The following CERS1 variants were observed in gnomAD, a reference collection of about 807,000 sequenced individuals.
The protein encoded by CERS1 is Embryonic growth/differentiation factor 1.
CERS1 carries 16 observed loss-of-function variants against 35.7 expected under a neutral mutation model. That is an observed-to-expected ratio of 0.45 (90% CI 0.30 to 0.68). CERS1 has a LOEUF of 0.68. CERS1 is among the 30% of genes least tolerant of loss of function. The pLI is 0.08. For missense variants in CERS1, 454 were observed against 453.9 expected, an observed-to-expected ratio of 1.00 and a Z score of 0.00; for synonymous variants, 243 against 201.6, an observed-to-expected ratio of 1.21 and a Z score of -1.74.
At chr19:18,875,234 T>TAAAA (rs869211539) in intron 6 of CERS1, among the ~76,000 whole-genome samples, 9 of 122,266 alleles carry the variant, frequency 7.4e-5, no homozygotes, top group African/African-American at 2.8e-4. Flanking sequence ...GGACCGTCTC[T>TAAAA]AAAAAAAAAA....
chr19:18,886,512 G>A (rs1443475928), intron 2 of CERS1, among the ~76,000 whole-genome samples: 1 of 152,074 alleles, frequency 6.6e-6, no homozygotes, highest in African/African-American at 2.4e-5. Context: ...CTAAGATGTT[G>A]CCACTGCACT....
rs1422316278 is a variant in CERS1 at position 18,880,306 on chromosome 19, T to A, written c.720A>T (p.Ala240=). 6.4e-7 allele frequency: 1 copy of A among 1,552,570 alleles called. No homozygotes were observed. The highest frequency in any genetic ancestry group is 2.4e-5 in the East Asian group (1 of 41,066). ...AGCCGAAGCTGAGGCAGCCCAAGTC[T>A]GCTGCCAAGGCATGCAGCCGATGGT... The part of the protein sequence containing the change: ...GSYHRLHALA[A]DLGCLSFGFS... Residue 240 remains alanine, a synonymous_variant, in exon 4 of 8, where the codon GCA becomes GCT. Transcript: ENST00000623882.
chr19:18,884,305 A>AGCATCTAGACGATC, intron 2 of CERS1, 38 bp from the exon 3 acceptor site: 4 of 1,577,378 alleles, frequency 2.5e-6, no homozygotes, highest in Non-Finnish European at 3.4e-6. Flanking sequence ...GGCCCTGCGA[A>AGCATCTAGACGATC]GCCTCTAGAC....
chr19:18,883,768 G>A (rs1432206104), intron 3 of CERS1, among the ~76,000 whole-genome samples: 1 of 152,122 alleles, frequency 6.6e-6, no homozygotes, highest in Non-Finnish European at 1.5e-5. Context: ...ACTCCTGGGT[G>A]TGTGACCTGG....
Position 18,870,208 on chromosome 19 carries a change from C to G in CERS1, c.*369G>C. 6.4e-7 allele frequency: 1 copy of G among 1,558,954 alleles called. No homozygotes were observed. The highest frequency in any genetic ancestry group is 8.6e-7 in the Non-Finnish European group (1 of 1,158,624). Reference sequence around the variant, plus strand: ...GCCTGGAGCAGGGCGGCGGCTGGGCCTGGGGGCACGGGGGCGCGGGTCAGG... The same window carrying G: ...GCCTGGAGCAGGGCGGCGGCTGGGCGTGGGGGCACGGGGGCGCGGGTCAGG... On this transcript the variant is annotated 3_prime_UTR_variant, in exon 7 of 8. Coordinates refer to ENST00000623882, the MANE Select transcript of CERS1 (RefSeq NM_021267.5). This position sits in a 1 kb window ranked among gnomAD's most constrained non-coding sequence, Gnocchi z 5.1.
chr19:18,893,604 A>G (rs1284450013), intron 1 of CERS1, 29 bp from the exon 2 acceptor site: 2 of 1,588,910 alleles, frequency 1.3e-6, no homozygotes, highest in East Asian at 4.6e-5. Context: ...GCGGGCAGCC[A>G]TTGGTGCTGG....
Position 18,895,827 on chromosome 19 carries a change from A to T in CERS1, c.246T>A (p.Phe82Leu). 3.1e-6 allele frequency: 4 copies of T among 1,279,256 alleles called. No homozygotes were observed. Among genetic ancestry groups the T allele is most frequent in the Non-Finnish European group, 4.0e-6 (4 of 1,011,306 alleles). 79.2% of individuals were successfully genotyped at this position (1,279,256 alleles called of 1,614,324 possible). A position where few individuals can be genotyped will look rare whatever the true frequency, so the allele number is the denominator to read the frequency against. The change falls in exon 1 of 8, where the codon TTT becomes TTA. Residue 82 changes from phenylalanine (F) to leucine (L), a missense_variant. By Grantham distance (22) the Phe-to-Leu change is conservative (BLOSUM62 0). Coordinates refer to ENST00000623882, the MANE Select transcript of CERS1 (RefSeq NM_021267.5). The surrounding 1 kb of genome is among the most constrained non-coding windows in gnomAD (Gnocchi z 6.4). ...ALRSAATARL[F>L]RPLAKRCCLQ... ...CCCGGCCCCCGGCCACACTGACCCG[A>T]AAGAGGCGCGCAGTGGCCGCGGAGC... is the stretch of plus-strand genomic sequence containing the variant.
At chr19:18,871,169 C>T (rs988136655) in intron 6 of CERS1, among the ~76,000 whole-genome samples, 18 of 151,962 alleles carry the variant, frequency 1.2e-4, no homozygotes, top group African/African-American at 4.1e-4. Context: ...TGGATCCTCC[C>T]ACCTCAGCCT....
In CERS1 at chr19:18,869,212, C is replaced by G. The variant is rs1415775845; in HGVS notation, c.*773G>C. ...CCGCGCCCGCGCCCTGGCCCGCTTGCGCCACGCTCAGCTCCCAGCCGCCCT... is the reference window on the plus strand; with the variant it reads ...CCGCGCCCGCGCCCTGGCCCGCTTGGGCCACGCTCAGCTCCCAGCCGCCCT... On this transcript the variant is annotated 3_prime_UTR_variant, in exon 8 of 8. Coordinates refer to ENST00000623882, the MANE Select transcript of CERS1 (RefSeq NM_021267.5). The G allele has an allele frequency of 7.7e-7, 1 of 1,304,366 alleles. No individual in the cohort carries two copies. The highest frequency in any genetic ancestry group is 1.6e-5 in the African/African-American group (1 of 63,246). The allele number at this position is 1,304,366 out of a possible 1,614,324, so 80.8% of individuals were successfully genotyped here.
chr19:18,870,249 A>G lies in CERS1; in HGVS notation c.*328T>C. On this transcript the variant is annotated 3_prime_UTR_variant, in exon 7 of 8. Transcript: ENST00000623882. The surrounding 1 kb of genome is among the most constrained non-coding windows in gnomAD (Gnocchi z 5.1). ...GCGGGTCAGGGGCAGCGAGGGCAGC[A>G]GCAGGGCCAGGAGGAGGAGGAGGTG... 6.4e-7 allele frequency: 1 copy of G among 1,551,310 alleles called. No homozygotes were observed. Among genetic ancestry groups the G allele is most frequent in the Non-Finnish European group, 8.7e-7 (1 of 1,151,228 alleles).
At chr19:18,874,171 C>G (rs985690998) in intron 6 of CERS1, among the ~76,000 whole-genome samples, 1 of 152,176 alleles carries the variant, frequency 6.6e-6, no homozygotes, top group Non-Finnish European at 1.5e-5. Flanking sequence ...CCGGCCACTT[C>G]TGCTTTCTTG....
intron 4 of CERS1, 137 bp downstream of exon 4, chr19:18,880,137 A>T: frequency 2.6e-6 from 2 of 754,818 alleles, no homozygotes; most frequent in African/African-American, 1.9e-5. Context: ...CCAAATCATG[A>T]GGCCCCTCCC....
chr19:18,890,799 A>G (rs1339795368), intron 2 of CERS1, among the ~76,000 whole-genome samples: 1 of 150,416 alleles, frequency 6.6e-6, no homozygotes, highest in Non-Finnish European at 1.5e-5. Context: ...AAAAAAAAAA[A>G]AAAAGCAGCT....
chr19:18,880,249 C>A, intron 4 of CERS1, 25 bp downstream of exon 4: 1 of 1,530,832 alleles, frequency 6.5e-7, no homozygotes, highest in Non-Finnish European at 8.8e-7. Flanking sequence ...ACCTCCCTCC[C>A]TGCCCAGCAC....
Position 18,878,674 on chromosome 19 carries a change from C to A in CERS1, c.1010+256G>T. The A allele has an allele frequency of 7.6e-7, 1 of 1,320,528 alleles. No individual in the cohort carries two copies. The allele number at this position is 1,320,528 out of a possible 1,614,324, so 81.8% of individuals were successfully genotyped here. ...AGCCACTAGGCCTGGCCCTCAGTGT[C>A]CCTACCGCTGAGACCCTGCCTGTCG... On this transcript the variant is annotated intron_variant, in intron 6 of 7. Transcript: ENST00000623882. This position sits in a 1 kb window ranked among gnomAD's most constrained non-coding sequence, Gnocchi z 4.6.
intron 4 of CERS1, 92 bp from the exon 5 acceptor site, chr19:18,879,480 CCTTATCCCATCCTTGCCCA>C: frequency 1.4e-6 from 2 of 1,442,046 alleles, no homozygotes; most frequent in Non-Finnish European, 1.9e-6. Flanking sequence ...ACCCTTGCCC[CCTTATCCCATCCTTGCCCA>C]CCTCTGCCCA....
chr19:18,884,150 G>A lies in CERS1; in HGVS notation c.527C>T (p.Ser176Leu), dbSNP rs555889038. Residue 176 changes from serine to leucine, a missense_variant, in exon 3 of 8, where the codon TCG (serine) becomes TTG (leucine). Transcript: ENST00000623882. ...CACGTGGTGGAGCAGCATGACCACCGAGTCCTTGCGCCAGGTGTCCATGTA... is the reference window on the plus strand; with the variant it reads ...CACGTGGTGGAGCAGCATGACCACCAAGTCCTTGCGCCAGGTGTCCATGTA... ...TLYMDTWRKD[S>L]VVMLLHHVVT... 1.1e-5 allele frequency: 17 copies of A among 1,613,758 alleles called. No homozygotes were observed. Among genetic ancestry groups the A allele is most frequent in the Middle Eastern group, 1.7e-4 (1 of 6,060 alleles).
intron 2 of CERS1, among the ~76,000 whole-genome samples, chr19:18,892,867 A>G (rs28393572): frequency 3.9e-4 from 60 of 152,144 alleles, no homozygotes; most frequent in African/African-American, 1.4e-3. Flanking sequence ...TTAACTTCTG[A>G]GACACCCATA....
At chr19:18,894,332 T>C (rs993834180) in intron 1 of CERS1, among the ~76,000 whole-genome samples, 5 of 151,908 alleles carry the variant, frequency 3.3e-5, no homozygotes, top group Admixed American at 6.5e-5. Context: ...TCCCAGAGGC[T>C]GAGGGGGCCG....
Sources: allele counts gnomAD v4.1 joint callset (sites outside exome capture counted in the v4.1 genomes callset), GRCh38; gene constraint gnomAD v4.1.1; non-coding constraint Gnocchi (gnomAD v3.1); transcripts MANE v1.5; gene names NCBI Gene and HGNC (gene_info 2026-07-23, HGNC 2026-07-21).